AFF2: variants seen among roughly 807,000 people sequenced by gnomAD.
AFF2 encodes the protein AF4/FMR2 family member 2.
Under a neutral mutation model 76.9 loss-of-function variants are expected in AFF2, and 14 were observed. The ratio of observed to expected loss-of-function variants is 0.18; its 90% CI spans 0.12 to 0.28. AFF2 has a LOEUF of 0.28. Among genes scored for constraint, AFF2 ranks in the 10% least tolerant of loss-of-function variants. The pLI is 1.00. For synonymous variants in AFF2, 398 were observed against 366.7 expected (o/e 1.09, Z -0.98); for missense variants, 868 against 1,001.1 (o/e 0.87, Z 1.79).
At chrX:148,886,673 A>T (rs182360636) in intron 8 of AFF2, among the ~76,000 whole-genome samples, 47 of 112,127 alleles carry the variant, frequency 4.2e-4, no homozygotes, top group Admixed American at 3.9e-3. Context: ...GGTGTCAATG[A>T]TGCTTGCACA....
chrX:148,973,368 C>T, intron 15 of AFF2, 103 bp from the exon 16 acceptor site: 3 of 1,011,465 alleles, frequency 3.0e-6, no homozygotes, highest in Non-Finnish European at 4.1e-6. Flanking sequence ...GCCAAATGTT[C>T]CCTGTGGGAA....
At chrX:148,523,965 A>T (rs909333498) in intron 1 of AFF2, among the ~76,000 whole-genome samples, 1 of 111,326 alleles carries the variant, frequency 9.0e-6, no homozygotes, top group Non-Finnish European at 1.9e-5. Context: ...TGGCTCTTAG[A>T]TGTCGGGCAG....
chrX:148,580,453 C>T (rs145572752), intron 1 of AFF2, among the ~76,000 whole-genome samples: 372 of 111,324 alleles, frequency 3.3e-3, no homozygotes, highest in African/African-American at 0.012. Flanking sequence ...TCTCTTAGCA[C>T]GGTAGCTAAG....
At chrX:148,651,272 C>T (rs1376544725) in intron 1 of AFF2, among the ~76,000 whole-genome samples, 2 of 112,289 alleles carry the variant, frequency 1.8e-5, no homozygotes, top group East Asian at 2.8e-4. Context: ...CTTTATAAAA[C>T]ATTTGTTCGT....
rs782186310 is a variant in AFF2, at chrX:148,960,079, C to A, written c.2690+1621C>A. 1.2e-3 allele frequency among the ~76,000 whole-genome samples: 134 copies of A among 112,849 alleles called. 1 individual carries two copies. Among genetic ancestry groups the A allele is most frequent in the African/African-American group, 4.1e-3 (127 of 31,094 alleles). On this transcript the variant is annotated intron_variant, in intron 12 of 20. Transcript: ENST00000370460. Reference sequence around the variant, plus strand: ...TCACACTCAGGGTTGGGGTCCACCCCCAGCTGAGGTCTGAGGGGAGTGTGT... The same window carrying A: ...TCACACTCAGGGTTGGGGTCCACCCACAGCTGAGGTCTGAGGGGAGTGTGT...
chrX:148,830,904 C>T (rs2070445809), intron 4 of AFF2, among the ~76,000 whole-genome samples: 1 of 110,663 alleles, frequency 9.0e-6, no homozygotes. Context: ...ATGGGAGACC[C>T]GGGCTTATTT....
intron 3 of AFF2, among the ~76,000 whole-genome samples, chrX:148,671,989 T>C (rs2054429011): frequency 8.9e-6 from 1 of 111,793 alleles, no homozygotes; most frequent in Admixed American, 9.5e-5. Flanking sequence ...CAAATCATCT[T>C]GTTATCACTG....
At chrX:148,559,437 G>A (rs868958310) in intron 1 of AFF2, among the ~76,000 whole-genome samples, 9 of 110,689 alleles carry the variant, frequency 8.1e-5, no homozygotes, top group South Asian at 3.9e-4. Context: ...CCCTCACCCC[G>A]TGACAGGCCC....
intron 3 of AFF2, among the ~76,000 whole-genome samples, chrX:148,675,620 C>T (rs2054474369): frequency 9.2e-6 from 1 of 109,054 alleles, no homozygotes; most frequent in Non-Finnish European, 1.9e-5. Context: ...TTCATCTAGA[C>T]CTTGAAGTGA....
At chrX:148,826,300 G>A (rs181836239) in intron 4 of AFF2, among the ~76,000 whole-genome samples, 1 of 109,005 alleles carries the variant, frequency 9.2e-6, no homozygotes, top group African/African-American at 3.3e-5. Flanking sequence ...AAGTACAAAT[G>A]TGGATGCCCT....
chrX:148,706,476 G>A (rs1569553824), intron 3 of AFF2, among the ~76,000 whole-genome samples: 2 of 112,436 alleles, frequency 1.8e-5, no homozygotes, highest in Non-Finnish European at 1.9e-5. Flanking sequence ...AAGCTCACAT[G>A]TCATACGACA....
chrX:148,895,804 C>T (rs1450075410), intron 8 of AFF2, among the ~76,000 whole-genome samples: 9 of 110,942 alleles, frequency 8.1e-5, no homozygotes, highest in African/African-American at 3.0e-4. Context: ...AACCTGGCCT[C>T]TTATATCCTC....
At chrX:148,558,975 C>G in intron 1 of AFF2, among the ~76,000 whole-genome samples, 1 of 110,752 alleles carries the variant, frequency 9.0e-6, no homozygotes, top group Non-Finnish European at 1.9e-5. Flanking sequence ...CTGTTGGTGC[C>G]CTTAGTGTGT....
chrX:148,750,283 C>A (rs1932999485), intron 3 of AFF2, among the ~76,000 whole-genome samples: 1 of 111,528 alleles, frequency 9.0e-6, no homozygotes, highest in African/African-American at 3.3e-5. Context: ...GCACCCTTAA[C>A]ATTTATTCAG....
At chrX:148,706,055 C>T (rs2054880766) in intron 3 of AFF2, among the ~76,000 whole-genome samples, 1 of 111,859 alleles carries the variant, frequency 8.9e-6, no homozygotes, top group Non-Finnish European at 1.9e-5. Context: ...CATTTTGATC[C>T]TCTGTAAATC....
intron 3 of AFF2, among the ~76,000 whole-genome samples, chrX:148,707,127 A>C (rs900010576): frequency 6.2e-5 from 7 of 112,001 alleles, no homozygotes; most frequent in Middle Eastern, 4.6e-3. Flanking sequence ...CTGATTTGCA[A>C]ATTGGAAGAA....
chrX:148,595,618 T>C (rs2053564517), intron 1 of AFF2, among the ~76,000 whole-genome samples: 1 of 112,484 alleles, frequency 8.9e-6, no homozygotes, highest in Admixed American at 9.4e-5. Flanking sequence ...AAGCCAGTCA[T>C]GATGATTGAC....
intron 3 of AFF2, among the ~76,000 whole-genome samples, chrX:148,804,547 T>C (rs930031130): frequency 1.8e-5 from 2 of 112,753 alleles, no homozygotes; most frequent in African/African-American, 3.2e-5. Flanking sequence ...TGTACTTTTC[T>C]GGTGCATATT....
intron 5 of AFF2, among the ~76,000 whole-genome samples, chrX:148,840,650 A>G (rs1557274202): frequency 8.8e-6 from 1 of 113,101 alleles, no homozygotes; most frequent in Non-Finnish European, 1.9e-5. Context: ...AAAGAAATGC[A>G]TAAAGCAAAG....
Sources: gnomAD v4.1 joint callset for allele counts (sites outside exome capture counted in the v4.1 genomes callset) on GRCh38, gnomAD v4.1.1 for gene constraint, MANE v1.5 for transcripts, NCBI Gene and HGNC (gene_info 2026-07-23, HGNC 2026-07-21) for gene names.